Variants in LMO1 observed in about 807,000 individuals in gnomAD.
LMO1 encodes LIM domain only 1, also known as rhombotin-1.
Under a neutral mutation model 18.0 loss-of-function variants are expected in LMO1, and 10 were observed. That is an observed-to-expected ratio of 0.55 (90% CI 0.34 to 0.94). The LOEUF is 0.94. Ranked by LOEUF, LMO1 falls within the 40% of genes least tolerant of loss-of-function variation. The pLI is 0.02. For missense variants in LMO1, 183 were observed against 205.7 expected (o/e 0.89, Z 0.68); for synonymous variants, 77 against 77.9 (o/e 0.99, Z 0.06).
At chr11:8,250,442 G>A (rs1846970921) in intron 1 of LMO1, among the ~76,000 whole-genome samples, 1 of 152,204 alleles carries the variant, frequency 6.6e-6, no homozygotes, top group Non-Finnish European at 1.5e-5. Context: ...TATTTTAGCA[G>A]TGATCTGATA....
chr11:8,253,629 T>A (rs774748971), intron 1 of LMO1, among the ~76,000 whole-genome samples: 3 of 149,658 alleles, frequency 2.0e-5, no homozygotes, highest in Admixed American at 1.3e-4. Flanking sequence ...AGGATTGGGG[T>A]TTTTAAAGAT....
intron 1 of LMO1, among the ~76,000 whole-genome samples, chr11:8,262,729 C>T: frequency 6.6e-6 from 1 of 152,228 alleles, no homozygotes; most frequent in Non-Finnish European, 1.5e-5. Flanking sequence ...AGCTAGCGGG[C>T]CGGCACAAGA....
chr11:8,241,001 G>T (rs1846782259), intron 1 of LMO1, among the ~76,000 whole-genome samples: 1 of 152,150 alleles, frequency 6.6e-6, no homozygotes, highest in Non-Finnish European at 1.5e-5. Flanking sequence ...TACGTTAATT[G>T]CATAGTTATC....
At chr11:8,263,899 T>C, upstream of LMO1, 1 of 1,028,890 alleles carries the variant, frequency 9.7e-7, no homozygotes, top group Non-Finnish European at 1.2e-6. Context: ...CTCCTGCTAC[T>C]GCATAAATGC....
chr11:8,263,543 G>A lies in LMO1; in HGVS notation c.-181C>T, dbSNP rs1312628988. The A allele has an allele frequency of 1.5e-6, 2 of 1,367,662 alleles. No individual in the cohort carries two copies. Among genetic ancestry groups the A allele is most frequent in the Non-Finnish European group, 9.4e-7 (1 of 1,062,476 alleles). The allele number at this position is 1,367,662 out of a possible 1,614,324, so 84.7% of individuals were successfully genotyped here. ...ACATTCAGGAGTGAAGCACTTCGCAGATACAAAAGCAGTCTCACCTACTTT... is the reference window on the plus strand; with the variant it reads ...ACATTCAGGAGTGAAGCACTTCGCAAATACAAAAGCAGTCTCACCTACTTT... On this transcript the variant is annotated 5_prime_UTR_variant, in exon 1 of 4. Coordinates refer to ENST00000335790, the MANE Select transcript of LMO1 (RefSeq NM_002315.3).
chr11:8,228,596 G>C (rs7952320), intron 2 of LMO1, among the ~76,000 whole-genome samples: 92,580 of 151,186 alleles, frequency 0.61, 30,272 homozygotes, highest in African/African-American at 0.87. Flanking sequence ...AGCCACGCTC[G>C]CATCCCAGCC....
intron 1 of LMO1, among the ~76,000 whole-genome samples, chr11:8,234,865 ACT>A (rs1421359820): frequency 6.6e-6 from 1 of 151,530 alleles, no homozygotes; most frequent in Non-Finnish European, 1.5e-5. Context: ...GCCCATCCCC[ACT>A]CTCCCAAAAA....
At chr11:8,249,409 CCA>C (rs1846950135) in intron 1 of LMO1, among the ~76,000 whole-genome samples, 1 of 152,216 alleles carries the variant, frequency 6.6e-6, no homozygotes, top group African/African-American at 2.4e-5. Flanking sequence ...CATTTGCTCT[CCA>C]CAGAGTAAAC....
intron 1 of LMO1, among the ~76,000 whole-genome samples, chr11:8,258,346 C>T (rs1847131839): frequency 1.3e-5 from 2 of 152,208 alleles, no homozygotes; most frequent in Non-Finnish European, 1.5e-5. Flanking sequence ...CCTGCATCTG[C>T]TCTAGACCCC....
intron 1 of LMO1, among the ~76,000 whole-genome samples, chr11:8,259,228 C>T (rs1420227333): frequency 4.6e-5 from 7 of 152,182 alleles, no homozygotes; most frequent in Non-Finnish European, 1.0e-4. Context: ...TTTCCCTGTC[C>T]CCCCTTAGTG....
intron 1 of LMO1, among the ~76,000 whole-genome samples, chr11:8,238,670 C>CAAA (rs11375128): frequency 1.7e-3 from 102 of 60,164 alleles, no homozygotes; most frequent in Non-Finnish European, 2.0e-3. Context: ...GACTCCATCT[C>CAAA]AAAAAAAAAA....
At chr11:8,230,986 C>G (rs2134524741) in intron 1 of LMO1, among the ~76,000 whole-genome samples, 1 of 152,348 alleles carries the variant, frequency 6.6e-6, no homozygotes, top group African/African-American at 2.4e-5. Flanking sequence ...GCTACAGCCT[C>G]TTGGTCTATC....
At chr11:8,235,743 C>T (rs1952750189) in intron 1 of LMO1, among the ~76,000 whole-genome samples, 1 of 152,144 alleles carries the variant, frequency 6.6e-6, no homozygotes, top group South Asian at 2.1e-4. Context: ...GACTGTGTGA[C>T]TTCGATTAAC....
intron 1 of LMO1, among the ~76,000 whole-genome samples, chr11:8,233,267 G>C (rs1952701768): frequency 6.6e-6 from 1 of 152,124 alleles, no homozygotes; most frequent in Non-Finnish European, 1.5e-5. Context: ...CTTGGGTCTA[G>C]AGACCTCCCA....
At chr11:8,231,820 C>G (rs1213138114) in intron 1 of LMO1, among the ~76,000 whole-genome samples, 2 of 152,128 alleles carry the variant, frequency 1.3e-5, no homozygotes, top group African/African-American at 4.8e-5. Context: ...TGCCCCCAGC[C>G]CAGAGTCTGA....
At chr11:8,259,965 C>T (rs1037779747) in intron 1 of LMO1, among the ~76,000 whole-genome samples, 13 of 152,206 alleles carry the variant, frequency 8.5e-5, no homozygotes, top group African/African-American at 1.2e-4. Flanking sequence ...TTCCACAACC[C>T]GCCTGCTGCT....
chr11:8,258,928 A>C (rs982340867), intron 1 of LMO1, among the ~76,000 whole-genome samples: 5 of 152,196 alleles, frequency 3.3e-5, no homozygotes, highest in Non-Finnish European at 7.3e-5. Flanking sequence ...AGCTTCCCCC[A>C]GTCCTAATGC....
chr11:8,236,189 T>C (rs1952758336), intron 1 of LMO1, among the ~76,000 whole-genome samples: 1 of 141,920 alleles, frequency 7.0e-6, no homozygotes, highest in Non-Finnish European at 1.6e-5. Context: ...AGTGTAGCCT[T>C]GGTATTTTTT....
At chr11:8,240,548 A>G (rs866697974) in intron 1 of LMO1, among the ~76,000 whole-genome samples, 2 of 152,170 alleles carry the variant, frequency 1.3e-5, no homozygotes, top group Middle Eastern at 3.2e-3. Context: ...GAGGCTGGGA[A>G]ATCCGAGAGC....
Sources: gnomAD v4.1 joint callset for allele counts (sites outside exome capture counted in the v4.1 genomes callset) on GRCh38, gnomAD v4.1.1 for gene constraint, MANE v1.5 for transcripts, NCBI Gene and HGNC (gene_info 2026-07-23, HGNC 2026-07-21) for gene names.